The following TAF1C variants were observed in gnomAD, a reference collection of about 807,000 sequenced individuals.
TAF1C encodes the protein TATA box-binding protein-associated factor RNA polymerase I subunit C.
Under a neutral mutation model 70.5 loss-of-function variants are expected in TAF1C, and 79 were observed. The observed-to-expected ratio is 1.12, with a 90% CI of 0.93 to 1.35. The LOEUF (loss-of-function observed/expected upper bound fraction) is 1.35, where lower values mean the gene tolerates loss of function less well. TAF1C is among the 40% of genes most tolerant of loss of function. TAF1C has a pLI of 0.00. For missense variants in TAF1C, 1,412 were observed against 1,127.8 expected (o/e 1.25, Z -3.61); for synonymous variants, 614 against 491.1 (o/e 1.25, Z -3.31).
At position 84,182,980 on chromosome 16, in the gene TAF1C, G is replaced by A; in HGVS notation, c.482+96C>T. 8.1e-7 allele frequency: 1 copy of A among 1,235,870 alleles called. No individual in the cohort carries two copies. Among genetic ancestry groups the A allele is most frequent in the Admixed American group, 1.7e-5 (1 of 58,536 alleles). The allele number at this position is 1,235,870 out of a possible 1,614,324, so 76.6% of individuals were successfully genotyped here. A position where few individuals can be genotyped will look rare whatever the true frequency, so the allele number is the denominator to read the frequency against. On this transcript the variant is annotated intron_variant, in intron 6 of 14. Transcript: ENST00000566732. This position sits in a 1 kb window ranked among gnomAD's most constrained non-coding sequence, Gnocchi z 5.0. ...AGACTGCATGGAGCAGGGGGGAAGT[G>A]GGTATGACGGAAAGCTGTACGTGCG...
chr16:84,182,927 G>A lies in TAF1C; in HGVS notation c.482+149C>T, dbSNP rs1198013242. 67 of 740,774 alleles carry A rather than the reference G, an allele frequency of 9.0e-5. 2 individuals are homozygous for A. In the South Asian group the frequency reaches 1.2e-3, roughly 13 times the overall value. The allele number at this position is 740,774 out of a possible 1,614,324, so 45.9% of individuals were successfully genotyped here. On this transcript the variant is annotated intron_variant, in intron 6 of 14. Transcript: ENST00000566732. This position sits in a 1 kb window ranked among gnomAD's most constrained non-coding sequence, Gnocchi z 5.0. ...CTTTCCCCTGAGATGATTTGGAGTT[G>A]GAAGTCTGGTATAAGAAAGTACAGC...
chr16:84,177,920 G>T lies in TAF1C; in HGVS notation c.*1021C>A. 8.4e-7 allele frequency: 1 copy of T among 1,193,592 alleles called. No homozygotes were observed. Among genetic ancestry groups the T allele is most frequent in the Non-Finnish European group, 1.2e-6 (1 of 806,608 alleles). 73.9% of individuals were successfully genotyped at this position (1,193,592 alleles called of 1,614,324 possible). On this transcript the variant is annotated 3_prime_UTR_variant, in exon 15 of 15. Coordinates refer to ENST00000566732, the MANE Select transcript of TAF1C (RefSeq NM_001243156.2). ...GCATGATAAACATTTTAACACCCACGCGAGTCAGTGTATGATTGGGCTAGC... is the reference window on the plus strand; with the variant it reads ...GCATGATAAACATTTTAACACCCACTCGAGTCAGTGTATGATTGGGCTAGC...
In TAF1C at chr16:84,181,857, A is replaced by G. The variant is rs1341604802; in HGVS notation, c.845T>C (p.Leu282Pro). Residue 282 changes from leucine to proline, a missense_variant, in exon 9 of 15, where the codon CTG (leucine) becomes CCG (proline). Coordinates refer to ENST00000566732, the MANE Select transcript of TAF1C (RefSeq NM_001243156.2). ...VTCTVQGETLLAVRSDYHCAV... is the reference protein window; with the variant it reads ...VTCTVQGETLPAVRSDYHCAV... ...ACAGTGGTAGTCAGAGCGGACGGCC[A>G]GCAGAGCTGAGGAGGGATGGAAAGG... The G allele has an allele frequency of 6.8e-6, 11 of 1,614,200 alleles. No individual in the cohort carries two copies. The highest frequency in any genetic ancestry group is 2.2e-5 in the East Asian group (1 of 44,872).
chr16:84,181,987 G>A lies in TAF1C; in HGVS notation c.793C>T (p.Gln265Ter). The A allele has an allele frequency of 1.2e-6, 2 of 1,613,726 alleles. No homozygotes were observed. Among genetic ancestry groups the A allele is most frequent in the Non-Finnish European group, 1.7e-6 (2 of 1,180,014 alleles). ...GTCACCACTTGCCGGACAGGTCCCT[G>A]GAGCTGGATGCGTCCAGGTTTCCCA... Reference protein sequence around the residue: ...FLGKPGRIQLQGPVRQVVTCT... With the variant: ...FLGKPGRIQL Residue 265 changes from glutamine (Q) to a stop codon, truncating the protein, a stop_gained, in exon 8 of 15, where the codon CAG (glutamine) becomes TAG (stop). Transcript: ENST00000566732. LOFTEE classifies it high-confidence loss of function.
chr16:84,179,247 G>C lies in TAF1C; in HGVS notation c.2226C>G (p.Pro742=), dbSNP rs4150174. The C allele has an allele frequency of 0.049, 77,439 of 1,584,174 alleles. 2,338 individuals are homozygous for C. Among genetic ancestry groups the C allele is most frequent in the African/African-American group, 0.12 (9,006 of 74,738 alleles). Residue 742 remains proline, a synonymous_variant, in exon 15 of 15, where the codon CCC becomes CCG. Transcript: ENST00000566732. ...SSFSLSGHVD[P]SEDTSSPHSP... The stretch of plus-strand genomic sequence containing the variant: ...TATGAGGGGAGCTGGTGTCCTCTGA[G>C]GGATCCACATGGCCACTGAGCGAAA...
chr16:84,185,270 A>C, intron 1 of TAF1C: 1 of 326,168 alleles, frequency 3.1e-6, no homozygotes, highest in East Asian at 6.5e-5. Context: ...GCGTTTGAGC[A>C]CAGCCTGAAC....
chr16:84,184,157 C>T (rs945205872), intron 2 of TAF1C, among the ~76,000 whole-genome samples: 1 of 152,220 alleles, frequency 6.6e-6, no homozygotes, highest in Non-Finnish European at 1.5e-5. Flanking sequence ...CAGGCGGCTC[C>T]ACCTCCCTTT....
Position 84,177,952 on chromosome 16 carries a change from TTG to T in TAF1C, c.*987_*988del. On this transcript the variant is annotated 3_prime_UTR_variant, in exon 15 of 15. Transcript: ENST00000566732. ...AGTGTATGATTGGGCTAGCTCCTGT[TTG>T]TGTGAGTCACATGCAATTCCTTTCA... 1 of 905,672 alleles carries T rather than the reference TTG, an allele frequency of 1.1e-6. No homozygotes were observed. The highest frequency in any genetic ancestry group is 1.8e-6 in the Non-Finnish European group (1 of 560,924). The allele number at this position is 905,672 out of a possible 1,614,324, so 56.1% of individuals were successfully genotyped here.
Position 84,182,916 on chromosome 16 carries a change from G to A in TAF1C, c.482+160C>T, listed in dbSNP as rs1412929137. On this transcript the variant is annotated intron_variant, in intron 6 of 14. Coordinates refer to ENST00000566732, the MANE Select transcript of TAF1C (RefSeq NM_001243156.2). This position sits in a 1 kb window ranked among gnomAD's most constrained non-coding sequence, Gnocchi z 5.0. ...ATGTAAATCTGCTTTCCCCTGAGAT[G>A]ATTTGGAGTTGGAAGTCTGGTATAA... Among the ~76,000 whole-genome samples, 1 of 152,192 alleles carries A rather than the reference G, an allele frequency of 6.6e-6. No individual in the cohort carries two copies. The highest frequency in any genetic ancestry group is 1.5e-5 in the Non-Finnish European group (1 of 68,034).
rs1359403186 is a variant in TAF1C at position 84,182,227 on chromosome 16, A to C, written c.696T>G (p.Pro232=). 5 of 1,612,232 alleles carry C rather than the reference A, an allele frequency of 3.1e-6. No individual in the cohort carries two copies. The East Asian group carries it at 1.1e-4, about 36-fold the overall frequency. ...GCAGCCTGTCCTGGGCGCCTCCAGC[A>C]GGGTAGACCAGCTGCCCGAACTGGG... ...RTPQFGQLVY[P]AGGAQDRLHF... The change falls in exon 7 of 15, where the codon CCT becomes CCG. Residue 232 remains proline (P), a synonymous_variant. Transcript: ENST00000566732. The surrounding 1 kb of genome is among the most constrained non-coding windows in gnomAD (Gnocchi z 5.0).
rs1340156061 is a variant in TAF1C, at chr16:84,181,717, TCCTCACCGACCAACCTGACCCC to T, written c.956+7_956+28del. On this transcript the variant is annotated splice_region_variant and intron_variant, in intron 9 of 14. Coordinates refer to ENST00000566732, the MANE Select transcript of TAF1C (RefSeq NM_001243156.2). Reference sequence around the variant, plus strand: ...GCTGCTCAGCCCTGCCTCCAGCCCCTCCTCACCGACCAACCTGACCCCCCTCACCTGAGGCTGATCCCCGTGG... The same window carrying T: ...GCTGCTCAGCCCTGCCTCCAGCCCCTCCTCACCTGAGGCTGATCCCCGTGG... 1 of 1,613,692 alleles carries T rather than the reference TCCTCACCGACCAACCTGACCCC, an allele frequency of 6.2e-7. No individual in the cohort carries two copies.
Position 84,182,794 on chromosome 16 carries a change from T to C in TAF1C, c.482+282A>G, listed in dbSNP as rs1361459802. 6.6e-6 allele frequency among the ~76,000 whole-genome samples: 1 copy of C among 152,318 alleles called. No homozygotes were observed. Among genetic ancestry groups the C allele is most frequent in the South Asian group, 2.1e-4 (1 of 4,824 alleles). On this transcript the variant is annotated intron_variant, in intron 6 of 14. Transcript: ENST00000566732. The surrounding 1 kb of genome is among the most constrained non-coding windows in gnomAD (Gnocchi z 5.0). ...CCTAGAGACAGCCTGTCTAGGGAAC[T>C]GTGCAGGGAGAGGCAAGTGGACGAG...
At chr16:84,180,499 C>T in intron 12 of TAF1C, 155 bp from the exon 13 acceptor site, 1 of 787,580 alleles carries the variant, frequency 1.3e-6, no homozygotes, top group Non-Finnish European at 1.9e-6. Flanking sequence ...ACTTCACCTG[C>T]CAGCCCTGAA....
chr16:84,183,177 C>T (rs1401225390), intron 5 of TAF1C, 28 bp from the exon 6 acceptor site: 2 of 1,613,950 alleles, frequency 1.2e-6, no homozygotes, highest in Non-Finnish European at 1.7e-6. Context: ...GTCAGGCTCA[C>T]ACACCCTCGA....
intron 12 of TAF1C, chr16:84,180,731 C>T (rs2089126185): frequency 2.6e-6 from 3 of 1,151,656 alleles, no homozygotes; most frequent in South Asian, 4.4e-5. Context: ...TTCCTCAGAG[C>T]CCCCGCCTCC....
In TAF1C at chr16:84,183,715, T is replaced by A. The variant is rs758119205; in HGVS notation, c.202A>T (p.Met68Leu). 1.2e-6 allele frequency: 2 copies of A among 1,612,782 alleles called. No homozygotes were observed. Among genetic ancestry groups the A allele is most frequent in the Non-Finnish European group, 1.7e-6 (2 of 1,179,284 alleles). ...WEPATPGPLP[M>L]LPPLIDPWDP... ...CCCTTACCGATGAGGGGAGGCAGCA[T>A]GGGGAGAGGCCCAGGGGTTGCCGGC... The change falls in exon 3 of 15, where the codon ATG (methionine) becomes TTG (leucine). Residue 68 changes from methionine to leucine, a missense_variant. By Grantham distance (15) the Met-to-Leu change is conservative. Coordinates refer to ENST00000566732, the MANE Select transcript of TAF1C (RefSeq NM_001243156.2).
chr16:84,179,920 C>G (rs1183103201), intron 14 of TAF1C, 26 bp downstream of exon 14: 4 of 1,599,664 alleles, frequency 2.5e-6, no homozygotes, highest in Non-Finnish European at 3.4e-6. Flanking sequence ...CTGCGCCCCC[C>G]AAGCTCACTC....
chr16:84,182,430 C>T lies in TAF1C; in HGVS notation c.493G>A (p.Ala165Thr). The T allele has an allele frequency of 1.2e-6, 2 of 1,601,156 alleles. No homozygotes were observed. The highest frequency in any genetic ancestry group is 1.7e-6 in the Non-Finnish European group (2 of 1,176,614). The change falls in exon 7 of 15, where the codon GCT (alanine) becomes ACT (threonine). Residue 165 changes from alanine to threonine, a missense_variant. Ala to Thr is a moderately conservative substitution (Grantham distance 58). Transcript: ENST00000566732. This position sits in a 1 kb window ranked among gnomAD's most constrained non-coding sequence, Gnocchi z 5.0. Reference protein sequence around the residue: ...GGHQPWGCPWAYLSNRQRRFS... With the variant: ...GGHQPWGCPWTYLSNRQRRFS... Reference sequence around the variant, plus strand: ...CGGCGCTGTCGGTTGCTGAGGTAAGCCCAGGGACACCTGGGGACCAGAGAA... The same window carrying T: ...CGGCGCTGTCGGTTGCTGAGGTAAGTCCAGGGACACCTGGGGACCAGAGAA...
chr16:84,178,853 T>C lies in TAF1C; in HGVS notation c.*88A>G, dbSNP rs2088897670. On this transcript the variant is annotated 3_prime_UTR_variant, in exon 15 of 15. Transcript: ENST00000566732. ...CCTCCAGAAGGTGGCGAGCTCTGCT[T>C]CTCAAGTTTCAACTGTGGAAGGCAC... is the stretch of plus-strand genomic sequence containing the variant. 8 of 1,428,516 alleles carry C rather than the reference T, an allele frequency of 5.6e-6. No individual in the cohort carries two copies. In the South Asian group the frequency reaches 1.1e-4, roughly 20 times the overall value. The allele number at this position is 1,428,516 out of a possible 1,614,324, so 88.5% of individuals were successfully genotyped here.
Sources: gnomAD v4.1 joint callset for allele counts (sites outside exome capture counted in the v4.1 genomes callset) on GRCh38, gnomAD v4.1.1 for gene constraint, Gnocchi (gnomAD v3.1) non-coding constraint, MANE v1.5 for transcripts, NCBI Gene and HGNC (gene_info 2026-07-23, HGNC 2026-07-21) for gene names.